GSPT1: variants seen among roughly 807,000 people sequenced by gnomAD.
GSPT1 encodes the protein G1 to S phase transition 1, also known as eukaryotic peptide chain release factor GTP-binding subunit ERF3A.
In GSPT1, 20 loss-of-function variants were observed where a neutral mutation model predicts 72.5. The ratio of observed to expected loss-of-function variants is 0.28; its 90% CI spans 0.19 to 0.40. GSPT1 has a LOEUF of 0.40. Ranked by LOEUF, GSPT1 falls within the 10% of genes least tolerant of loss-of-function variation. The probability of loss-of-function intolerance (pLI) is 1.00; values close to 1 mark genes in which losing one functional copy is unlikely to be tolerated. For synonymous variants in GSPT1, 334 were observed against 293.5 expected, an observed-to-expected ratio of 1.14 and a Z score of -1.41; for missense variants, 580 against 811.9, an observed-to-expected ratio of 0.71 and a Z score of 3.47.
chr16:11,874,918 A>C (rs111769337), intron 14 of GSPT1, among the ~76,000 whole-genome samples: 2 of 152,160 alleles, frequency 1.3e-5, no homozygotes, highest in Non-Finnish European at 2.9e-5. Flanking sequence ...TGGGCCGGGC[A>C]CGGTGGCTCA....
chr16:11,903,028 T>G (rs1471676439), intron 1 of GSPT1, among the ~76,000 whole-genome samples: 1 of 151,976 alleles, frequency 6.6e-6, no homozygotes, highest in East Asian at 1.9e-4. Context: ...CCAAGACATT[T>G]TAATCACCCC....
At chr16:11,911,069 G>C (rs1056409275) in intron 1 of GSPT1, among the ~76,000 whole-genome samples, 1 of 152,182 alleles carries the variant, frequency 6.6e-6, no homozygotes, top group Non-Finnish European at 1.5e-5. Context: ...CCCATCTGCT[G>C]TCCCACTGAA....
chr16:11,871,879 C>G lies in GSPT1; in HGVS notation c.*1240G>C, dbSNP rs2053983307. ...AATCTAAAACCCACACAATGCTGCACTGTGGTTCATCAAAAACATGGTTAG... is the reference window on the plus strand; with the variant it reads ...AATCTAAAACCCACACAATGCTGCAGTGTGGTTCATCAAAAACATGGTTAG... On this transcript the variant is annotated 3_prime_UTR_variant, in exon 15 of 15. Transcript: ENST00000434724. 2 of 152,114 alleles carry G rather than the reference C, an allele frequency of 1.3e-5. No homozygotes were observed. The highest frequency in any genetic ancestry group is 1.3e-4 in the Admixed American group (2 of 15,258). The allele number at this position is 152,114 out of a possible 1,614,324, so 9.4% of individuals were successfully genotyped here.
intron 3 of GSPT1, among the ~76,000 whole-genome samples, chr16:11,897,145 G>GT (rs2054350530): frequency 6.6e-6 from 1 of 152,132 alleles, no homozygotes; most frequent in Non-Finnish European, 1.5e-5. Flanking sequence ...GTTTAAAATC[G>GT]TGACACACGA....
upstream of GSPT1, chr16:11,916,077 G>A (rs1217334996): frequency 3.7e-6 from 2 of 535,898 alleles, no homozygotes; most frequent in Non-Finnish European, 7.1e-6. Context: ...GGCCGCCCCC[G>A]TTTCCGGCTA....
At chr16:11,907,015 T>C (rs949471013) in intron 1 of GSPT1, among the ~76,000 whole-genome samples, 1 of 152,186 alleles carries the variant, frequency 6.6e-6, no homozygotes, top group Non-Finnish European at 1.5e-5. Context: ...TTTGCCTTAA[T>C]TACCTAACAC....
chr16:11,897,444 T>A (rs771791007), intron 3 of GSPT1, among the ~76,000 whole-genome samples: 2 of 152,020 alleles, frequency 1.3e-5, no homozygotes, highest in Non-Finnish European at 1.5e-5. Flanking sequence ...AATTTGCCAG[T>A]TGTGGTGGTG....
intron 1 of GSPT1, 178 bp downstream of exon 1, chr16:11,915,191 C>T: frequency 9.4e-7 from 1 of 1,061,672 alleles, no homozygotes; most frequent in Middle Eastern, 4.2e-4. Flanking sequence ...GCCACCGCCG[C>T]GGGCCGCCCC....
chr16:11,915,599 G>A lies in GSPT1; in HGVS notation c.122C>T (p.Pro41Leu), dbSNP rs1435891318. Residue 41 changes from proline to leucine, a missense_variant, in exon 1 of 15, where the codon CCG (proline) becomes CTG (leucine). Physicochemically the swap from Pro to Leu is moderately conservative, Grantham distance 98. Coordinates refer to ENST00000434724, the MANE Select transcript of GSPT1 (RefSeq NM_002094.4). ...WDQADMEAPGPGPCGGGGSLA... is the reference protein window; with the variant it reads ...WDQADMEAPGLGPCGGGGSLA... Reference sequence around the variant, plus strand: ...GGAGCCGCCGCCGCCGCAAGGGCCCGGCCCGGGGGCTTCCATGTCCGCCTG... The same window carrying A: ...GGAGCCGCCGCCGCCGCAAGGGCCCAGCCCGGGGGCTTCCATGTCCGCCTG... 1 of 1,486,870 alleles carries A rather than the reference G, an allele frequency of 6.7e-7. No individual in the cohort carries two copies. The highest frequency in any genetic ancestry group is 8.9e-7 in the Non-Finnish European group (1 of 1,121,148). The allele number at this position is 1,486,870 out of a possible 1,614,324, so 92.1% of individuals were successfully genotyped here.
chr16:11,904,194 CATTTTATTTT>C (rs199643984), intron 1 of GSPT1: 5 of 170,722 alleles, frequency 2.9e-5, no homozygotes, highest in Admixed American at 1.3e-4. Context: ...ATTCCTGACT[CATTTTATTTT>C]ATTTTATTTT....
intron 1 of GSPT1, 40 bp downstream of exon 1, chr16:11,915,328 CG>C (rs1201394430): frequency 7.0e-7 from 1 of 1,426,654 alleles, no homozygotes; most frequent in African/African-American, 1.5e-5. Context: ...ATGTGGGCTC[CG>C]GCGCCCGGCC....
intron 1 of GSPT1, among the ~76,000 whole-genome samples, chr16:11,905,047 GAC>G (rs750128752): frequency 4.6e-5 from 7 of 152,356 alleles, no homozygotes; most frequent in Non-Finnish European, 1.0e-4. Flanking sequence ...CAGCCTGGGT[GAC>G]AGAGTAAGAC....
At chr16:11,913,622 C>G (rs924644009) in intron 1 of GSPT1, among the ~76,000 whole-genome samples, 14 of 152,160 alleles carry the variant, frequency 9.2e-5, no homozygotes, top group African/African-American at 3.4e-4. Context: ...TGAGTCTAGT[C>G]AGAGTGGTGC....
intron 3 of GSPT1, among the ~76,000 whole-genome samples, chr16:11,897,345 C>T (rs975767282): frequency 1.3e-5 from 2 of 152,136 alleles, no homozygotes; most frequent in South Asian, 2.1e-4. Flanking sequence ...CCAGCACTTT[C>T]GGAGGCCGAG....
At chr16:11,892,535 A>AAAAAAAT in intron 5 of GSPT1, among the ~76,000 whole-genome samples, 1 of 147,658 alleles carries the variant, frequency 6.8e-6, no homozygotes, top group African/African-American at 2.6e-5. Context: ...AAAAAAACAA[A>AAAAAAAT]AAATAAAAAA....
At chr16:11,888,376 C>A (rs570506335) in intron 6 of GSPT1, among the ~76,000 whole-genome samples, 1 of 151,836 alleles carries the variant, frequency 6.6e-6, no homozygotes, top group East Asian at 1.9e-4. Flanking sequence ...GCAGGACAAT[C>A]GCTTGAAGCT....
intron 1 of GSPT1, among the ~76,000 whole-genome samples, chr16:11,910,068 G>A (rs1289918197): frequency 1.3e-5 from 2 of 152,102 alleles, no homozygotes; most frequent in East Asian, 3.8e-4. Flanking sequence ...TTATACTCCA[G>A]CTTGGGTGAC....
intron 5 of GSPT1, among the ~76,000 whole-genome samples, chr16:11,891,836 G>A (rs1215873846): frequency 6.7e-6 from 1 of 148,874 alleles, no homozygotes; most frequent in African/African-American, 2.5e-5. Flanking sequence ...CTAAGTTTTT[G>A]TATTTTTAGT....
In GSPT1 at chr16:11,896,579, C is replaced by T. The variant is rs2054342332; in HGVS notation, c.643G>A (p.Val215Ile). 6.3e-7 allele frequency: 1 copy of T among 1,599,940 alleles called. No individual in the cohort carries two copies. Among genetic ancestry groups the T allele is most frequent in the South Asian group, 1.1e-5 (1 of 88,686 alleles). The change falls in exon 4 of 15, where the codon GTA (valine) becomes ATA (isoleucine). Residue 215 changes from valine (V) to isoleucine (I), a missense_variant. This residue lies in a region of GSPT1 where 51 missense variants were observed against 118.2 expected (regional missense o/e 0.43). Transcript: ENST00000434724. Reference sequence around the variant, plus strand: ...TTACCTACGTGCCCAATGAATACTACATTTACATGCTCTTTCTTAGGAGCA... The same window carrying T: ...TTACCTACGTGCCCAATGAATACTATATTTACATGCTCTTTCTTAGGAGCA... The part of the protein sequence containing the change: ...PGAPKKEHVN[V>I]VFIGHVDAGK...
Sources: gnomAD v4.1 joint callset for allele counts (sites outside exome capture counted in the v4.1 genomes callset) on GRCh38, gnomAD v4.1.1 for gene constraint, gnomAD v4.1.1 regional missense constraint, MANE v1.5 for transcripts, NCBI Gene and HGNC (gene_info 2026-07-23, HGNC 2026-07-21) for gene names.